CYFIP1: variants seen among roughly 807,000 people sequenced by gnomAD.
CYFIP1 encodes cytoplasmic FMR1 interacting protein 1.
A neutral mutation model predicts 163.5 loss-of-function variants in CYFIP1; 58 were observed. That is an observed-to-expected ratio of 0.35 (90% CI 0.29 to 0.44). CYFIP1 has a LOEUF of 0.44. CYFIP1 is among the 20% of genes least tolerant of loss of function. The pLI is 1.00. For missense variants in CYFIP1, 1,338 were observed against 1,653.8 expected (o/e 0.81, Z 3.31); for synonymous variants, 663 against 660.7 (o/e 1.00, Z -0.05).
At chr15:22,883,351 C>T (rs532174824) in intron 23 of CYFIP1, among the ~76,000 whole-genome samples, 68 of 152,276 alleles carry the variant, frequency 4.5e-4, no homozygotes, top group African/African-American at 1.6e-3. Context: ...TGCCCAAGGT[C>T]GGACCCTGAA....
At chr15:22,875,487 A>G (rs1043722269) in intron 26 of CYFIP1, 2 of 566,518 alleles carry the variant, frequency 3.5e-6, no homozygotes, top group African/African-American at 3.7e-5. Flanking sequence ...AGTACTTGGA[A>G]TGTGGCTTGG....
chr15:22,870,337 T>TC, intron 30 of CYFIP1, 145 bp from the exon 31 acceptor site: 1 of 989,532 alleles, frequency 1.0e-6, no homozygotes, highest in Non-Finnish European at 1.5e-6. Flanking sequence ...GGGTTTTTTT[T>TC]TGTAAGATAG....
At chr15:22,904,218 G>T (rs1212122673) in intron 21 of CYFIP1, 1 of 447,314 alleles carries the variant, frequency 2.2e-6, no homozygotes, top group East Asian at 4.5e-5. Flanking sequence ...TGCCCGCTGA[G>T]CCCCGGCCCT....
At chr15:22,925,840 G>A in intron 13 of CYFIP1, 142 bp downstream of exon 13, 1 of 1,260,132 alleles carries the variant, frequency 7.9e-7, no homozygotes, top group East Asian at 2.4e-5. Flanking sequence ...GTTCTACTCT[G>A]ACTACTCTGC....
chr15:22,949,814 G>A (rs72696058), intron 1 of CYFIP1, among the ~76,000 whole-genome samples: 2,271 of 151,878 alleles, frequency 0.015, 80 homozygotes, highest in East Asian at 0.097. Context: ...ATGTTAATAA[G>A]CATGGACTTC....
intron 22 of CYFIP1, among the ~76,000 whole-genome samples, chr15:22,902,980 T>C (rs1054139818): frequency 8.5e-5 from 13 of 152,198 alleles, no homozygotes; most frequent in Non-Finnish European, 1.8e-4. Context: ...CACATGTGGG[T>C]GGGACGCGGA....
intron 17 of CYFIP1, among the ~76,000 whole-genome samples, chr15:22,912,750 G>C (rs535917733): frequency 8.5e-5 from 13 of 152,058 alleles, no homozygotes; most frequent in African/African-American, 2.7e-4. Flanking sequence ...CGGCAATACT[G>C]TCTCTAACAA....
chr15:22,963,402 ATCGCTT>A (rs1016783071), intron 1 of CYFIP1, among the ~76,000 whole-genome samples: 3 of 152,210 alleles, frequency 2.0e-5, no homozygotes, highest in Admixed American at 2.0e-4. Context: ...AGGCAGGAGA[ATCGCTT>A]CAATCCAGGA....
At chr15:22,966,977 G>T (rs752720014) in intron 1 of CYFIP1, among the ~76,000 whole-genome samples, 14 of 151,414 alleles carry the variant, frequency 9.2e-5, no homozygotes, top group Admixed American at 7.2e-4. Context: ...AGGGGACGCC[G>T]CAGTTCCCAA....
Position 22,943,787 on chromosome 15 carries a change from A to C in CYFIP1, c.388-433T>G, listed in dbSNP as rs548468258. Among the ~76,000 whole-genome samples the C allele has an allele frequency of 3.3e-4, 51 of 152,294 alleles. 3 individuals carry two copies. In the South Asian group the frequency reaches 9.3e-3, roughly 28 times the overall value. On this transcript the variant is annotated intron_variant, in intron 5 of 30. Transcript: ENST00000617928. ...CCCTTTGCTGAAGGACATCATCATAAAAAATCTGGATGTTTCCAAAATACT... is the reference window on the plus strand; with the variant it reads ...CCCTTTGCTGAAGGACATCATCATACAAAATCTGGATGTTTCCAAAATACT...
chr15:22,947,685 T>G (rs1009821486), intron 1 of CYFIP1, among the ~76,000 whole-genome samples: 1 of 152,154 alleles, frequency 6.6e-6, no homozygotes, highest in African/African-American at 2.4e-5. Context: ...ATGCCACATC[T>G]GCCCAGCAGA....
rs958725351 is a variant in CYFIP1, at chr15:22,867,977, A to AAAGT, written c.*2047_*2050dup. The AAAGT allele has an allele frequency of 2.4e-4, 36 of 152,366 alleles. No individual in the cohort carries two copies. The highest frequency in any genetic ancestry group is 8.4e-4 in the African/African-American group (35 of 41,586). 9.4% of individuals were successfully genotyped at this position (152,366 alleles called of 1,614,324 possible). A position where few individuals can be genotyped will look rare whatever the true frequency, so the allele number is the denominator to read the frequency against. ...ATAACCATTGACTGGCCTTTAAAAAAAAGTATTGGCAGAATTAATTTCCAC... is the reference window on the plus strand; with the variant it reads ...ATAACCATTGACTGGCCTTTAAAAAAAAGTAAGTATTGGCAGAATTAATTTCCAC... On this transcript the variant is annotated 3_prime_UTR_variant, in exon 31 of 31. Coordinates refer to ENST00000617928, the MANE Select transcript of CYFIP1 (RefSeq NM_014608.6).
At chr15:22,930,210 AC>A (rs1197388845) in intron 11 of CYFIP1, among the ~76,000 whole-genome samples, 16 of 136,978 alleles carry the variant, frequency 1.2e-4, no homozygotes, top group Non-Finnish European at 2.0e-4. Context: ...AAAAACACAC[AC>A]AAAAAAAAAC....
At chr15:22,974,898 C>G (rs2063214045) in intron 1 of CYFIP1, among the ~76,000 whole-genome samples, 2 of 141,568 alleles carry the variant, frequency 1.4e-5, no homozygotes, top group South Asian at 4.4e-4. Context: ...GCCTGCCTCT[C>G]TAGCCCCTCC....
intron 1 of CYFIP1, among the ~76,000 whole-genome samples, chr15:22,976,866 T>C (rs1033575546): frequency 6.6e-6 from 1 of 152,182 alleles, no homozygotes; most frequent in African/African-American, 2.4e-5. Context: ...TGACTTTGCA[T>C]GTATCTCCCC....
intron 28 of CYFIP1, 119 bp downstream of exon 28, chr15:22,874,431 T>A: frequency 1.5e-6 from 1 of 669,258 alleles, no homozygotes; most frequent in Non-Finnish European, 2.5e-6. Flanking sequence ...ACTTGAGGCC[T>A]GAGCAGCCAC....
At chr15:22,894,232 A>G (rs1265655872) in intron 22 of CYFIP1, among the ~76,000 whole-genome samples, 1 of 148,416 alleles carries the variant, frequency 6.7e-6, no homozygotes, top group Non-Finnish European at 1.5e-5. Flanking sequence ...CCATGCAGGG[A>G]GCCAAGCGCC....
intron 30 of CYFIP1, among the ~76,000 whole-genome samples, chr15:22,872,293 CAA>C (rs11327088): frequency 1.9e-3 from 207 of 111,386 alleles, no homozygotes; most frequent in Middle Eastern, 0.013. Flanking sequence ...GAAACTGTCT[CAA>C]AAAAAAAAAA....
Position 22,873,711 on chromosome 15 carries a change from C to G in CYFIP1, c.3229G>C (p.Glu1077Gln). 3.7e-6 allele frequency: 6 copies of G among 1,612,844 alleles called. No homozygotes were observed. The highest frequency in any genetic ancestry group is 5.1e-6 in the Non-Finnish European group (6 of 1,178,924). ...GTPQQIAIAR[E>Q]GDLLTKERLC... is the part of the protein sequence containing the mutation. Reference sequence around the variant, plus strand: ...CGCTCCTTTGTCAGCAGGTCCCCCTCTCTTGCGATGGCAATTTGCTGCAGA... The same window carrying G: ...CGCTCCTTTGTCAGCAGGTCCCCCTGTCTTGCGATGGCAATTTGCTGCAGA... The change falls in exon 29 of 31, where the codon GAG becomes CAG. Residue 1077 changes from glutamate (E) to glutamine (Q), a missense_variant. Physicochemically the swap from Glu to Gln is conservative, Grantham distance 29. This residue lies in a region of CYFIP1 where 306 missense variants were observed against 322.1 expected (regional missense o/e 0.95). Coordinates refer to ENST00000617928, the MANE Select transcript of CYFIP1 (RefSeq NM_014608.6).
Sources: gnomAD v4.1 joint callset for allele counts (sites outside exome capture counted in the v4.1 genomes callset) on GRCh38, gnomAD v4.1.1 for gene constraint, gnomAD v4.1.1 regional missense constraint, MANE v1.5 for transcripts, NCBI Gene and HGNC (gene_info 2026-07-23, HGNC 2026-07-21) for gene names.